Variants in ACTR3C observed in about 807,000 individuals in gnomAD.
The protein encoded by ACTR3C is actin-related protein 3C.
A neutral mutation model predicts 26.3 loss-of-function variants in ACTR3C; 18 were observed. The ratio of observed to expected loss-of-function variants is 0.68; its 90% CI spans 0.47 to 1.01. ACTR3C has a LOEUF of 1.01. Among genes scored for constraint, ACTR3C ranks in the 50% least tolerant of loss-of-function variants. The pLI is 0.00. For missense variants in ACTR3C, 184 were observed against 250.7 expected (o/e 0.73, Z 1.80); for synonymous variants, 55 against 94.5 (o/e 0.58, Z 2.42).
chr7:150,082,944 T>TTC, the ACTR3C span, among the ~76,000 whole-genome samples: 1 of 99,292 alleles, frequency 1.0e-5, no homozygotes, highest in African/African-American at 4.3e-5. Context: ...CTTTTTTTTT[T>TTC]TTCTTTTTTT....
chr7:150,035,020 G>A, the ACTR3C span, among the ~76,000 whole-genome samples: 101 of 143,848 alleles, frequency 7.0e-4, 1 homozygote, highest in Non-Finnish European at 1.3e-3. Flanking sequence ...CAGAGCCAGG[G>A]GGGGAAGAGG....
chr7:150,080,554 TG>T, the ACTR3C span, among the ~76,000 whole-genome samples: 4 of 151,894 alleles, frequency 2.6e-5, no homozygotes, highest in Admixed American at 1.3e-4. Context: ...TGTGTGTGTG[TG>T]TGTGTGTGTG....
At chr7:150,221,998 CA>C in the ACTR3C span, among the ~76,000 whole-genome samples, 47,728 of 79,650 alleles carry the variant, frequency 0.6, 11,566 homozygotes, top group Middle Eastern at 0.73. Context: ...ACTCCGTCTC[CA>C]AAAAAAAAAA....
the ACTR3C span, among the ~76,000 whole-genome samples, chr7:150,236,487 A>G: frequency 6.6e-6 from 1 of 152,226 alleles, no homozygotes; most frequent in Non-Finnish European, 1.5e-5. Context: ...CAAAAGCTCT[A>G]CATTCCTAGG....
At chr7:150,038,637 C>G in the ACTR3C span, among the ~76,000 whole-genome samples, 7 of 144,382 alleles carry the variant, frequency 4.8e-5, 1 homozygote, top group African/African-American at 2.6e-5. Flanking sequence ...CGTTCGGACC[C>G]GTCGGATCGT....
the ACTR3C span, among the ~76,000 whole-genome samples, chr7:149,933,359 G>C: frequency 1.1e-4 from 16 of 151,298 alleles, no homozygotes; most frequent in Non-Finnish European, 2.2e-4. Context: ...CAGTAATCAG[G>C]ACACTGATGA....
chr7:149,897,404 G>A, the ACTR3C span, among the ~76,000 whole-genome samples: 2 of 152,182 alleles, frequency 1.3e-5, no homozygotes, highest in Admixed American at 6.5e-5. Context: ...AGTTTTCAAG[G>A]TAAGTCAGGC....
chr7:150,018,668 T>G, the ACTR3C span, among the ~76,000 whole-genome samples: 7 of 150,264 alleles, frequency 4.7e-5, no homozygotes, highest in African/African-American at 1.3e-4. Flanking sequence ...CCTCCAAATA[T>G]TCTTAATTTA....
At chr7:149,986,497 A>C in the ACTR3C span, among the ~76,000 whole-genome samples, 1 of 152,308 alleles carries the variant, frequency 6.6e-6, no homozygotes, top group African/African-American at 2.4e-5. Context: ...TTTTTGATTC[A>C]GTCATAGTGT....
chr7:150,124,055 C>T, the ACTR3C span, among the ~76,000 whole-genome samples: 1 of 152,164 alleles, frequency 6.6e-6, no homozygotes, highest in Non-Finnish European at 1.5e-5. Flanking sequence ...TGGGCATCCT[C>T]TTGATGAATT....
chr7:149,957,510 C>G, the ACTR3C span, among the ~76,000 whole-genome samples: 1 of 149,426 alleles, frequency 6.7e-6, no homozygotes, highest in South Asian at 2.1e-4. Flanking sequence ...GGGTACCCTT[C>G]TTCTCTTGCT....
chr7:150,245,243 G>C (rs1832402428), downstream of ACTR3C: 2 of 152,272 alleles, frequency 1.3e-5, no homozygotes, highest in Admixed American at 6.5e-5. Flanking sequence ...AAGCTACCTA[G>C]TTACTGGTGG....
At chr7:150,285,237 A>G (rs373314405) in intron 5 of ACTR3C, among the ~76,000 whole-genome samples, 1 of 152,260 alleles carries the variant, frequency 6.6e-6, no homozygotes, top group Non-Finnish European at 1.5e-5. Context: ...AAATTAGGAT[A>G]TAAGGAAAAA....
In ACTR3C at chr7:150,295,269, G is replaced by A; in HGVS notation, c.28C>T (p.Leu10Phe). 1 of 1,614,030 alleles carries A rather than the reference G, an allele frequency of 6.2e-7. No homozygotes were observed. Among genetic ancestry groups the A allele is most frequent in the Non-Finnish European group, 8.5e-7 (1 of 1,179,874 alleles). The change falls in exon 2 of 8, where the codon CTC becomes TTC. Residue 10 changes from leucine to phenylalanine, a missense_variant. By Grantham distance (22) the Leu-to-Phe change is conservative (BLOSUM62 0). Transcript: ENST00000683684. ...GGTTTTACCTGAACTGCAATGTAGA[G>A]TCCTGGAACGTTAAATGATTCGAAC... MFESFNVPG[L>F]YIAVQAVLAL...
chr7:150,192,673 A>T, the ACTR3C span, among the ~76,000 whole-genome samples: 1 of 152,168 alleles, frequency 6.6e-6, no homozygotes. Flanking sequence ...TTTTTGGAAG[A>T]ATATTAACTA....
At chr7:150,079,763 T>C in the ACTR3C span, among the ~76,000 whole-genome samples, 18 of 152,272 alleles carry the variant, frequency 1.2e-4, no homozygotes, top group African/African-American at 4.3e-4. Flanking sequence ...CAAGGAGTCT[T>C]GCCCTTTTCC....
At chr7:150,163,069 T>G in the ACTR3C span, among the ~76,000 whole-genome samples, 98 of 151,730 alleles carry the variant, frequency 6.5e-4, no homozygotes, top group South Asian at 1.2e-3. Context: ...CAGGAGAATT[T>G]CTTGAAATAG....
At chr7:150,296,246 G>A (rs570262160) in intron 1 of ACTR3C, among the ~76,000 whole-genome samples, 81 of 149,612 alleles carry the variant, frequency 5.4e-4, no homozygotes, top group Non-Finnish European at 9.4e-4. Context: ...CAGCTACTCG[G>A]GGGCTGAGGT....
At chr7:149,946,157 C>A in the ACTR3C span, among the ~76,000 whole-genome samples, 1 of 152,228 alleles carries the variant, frequency 6.6e-6, no homozygotes, top group Non-Finnish European at 1.5e-5. Flanking sequence ...ACATGGAGGA[C>A]CTGGCCTGGG....
Sources: allele counts gnomAD v4.1 joint callset (sites outside exome capture counted in the v4.1 genomes callset), GRCh38; gene constraint gnomAD v4.1.1; transcripts MANE v1.5; gene names NCBI Gene and HGNC (gene_info 2026-07-23, HGNC 2026-07-21).